The following DYNC2I1 variants were observed in gnomAD, a reference collection of about 807,000 sequenced individuals.
DYNC2I1 encodes the protein dynein 2 intermediate chain 1, also known as cytoplasmic dynein 2 intermediate chain 1.
DYNC2I1 carries 89 observed loss-of-function variants against 133.4 expected under a neutral mutation model. The ratio of observed to expected loss-of-function variants is 0.67; its 90% CI spans 0.56 to 0.80. The LOEUF is 0.80. DYNC2I1 is among the 30% of genes least tolerant of loss of function. DYNC2I1 has a pLI of 0.00. For synonymous variants in DYNC2I1, 504 were observed against 484.3 expected (o/e 1.04, Z -0.54); for missense variants, 1,291 against 1,314.5 (o/e 0.98, Z 0.28).
chr7:158,938,425 C>G (rs1057121205), intron 23 of DYNC2I1, among the ~76,000 whole-genome samples: 1 of 152,134 alleles, frequency 6.6e-6, no homozygotes, highest in African/African-American at 2.4e-5. Flanking sequence ...TATACAAAAG[C>G]TGAGAGAATT....
rs932235816 is a variant in DYNC2I1 at position 158,927,122 on chromosome 7, G to A, written c.2485+79G>A. ...TAAAAGTACTGATAACTGCGGTCAG[G>A]TGCAGTGGCTCACACCTGCTGGGAG... On this transcript the variant is annotated intron_variant, in intron 20 of 24. Transcript: ENST00000407559. 26 of 1,046,178 alleles carry A rather than the reference G, an allele frequency of 2.5e-5. No individual in the cohort carries two copies. In the Admixed American group the frequency reaches 5.1e-4, roughly 21 times the overall value. 64.8% of individuals were successfully genotyped at this position (1,046,178 alleles called of 1,614,324 possible).
At position 158,879,845 on chromosome 7, in the gene DYNC2I1, T is replaced by G; in HGVS notation, c.735T>G (p.Ser245Arg). 2 of 1,610,018 alleles carry G rather than the reference T, an allele frequency of 1.2e-6. No homozygotes were observed. The highest frequency in any genetic ancestry group is 8.5e-7 in the Non-Finnish European group (1 of 1,178,554). ...GAGAGAAATATTCCAAAGAGAAAAGTAATTCATTCTCTGACAAAGGGGAAG... is the reference window on the plus strand; with the variant it reads ...GAGAGAAATATTCCAAAGAGAAAAGGAATTCATTCTCTGACAAAGGGGAAG... Reference protein sequence around the residue: ...EKREKYSKEKSNSFSDKGEER... With the variant: ...EKREKYSKEKRNSFSDKGEER... The change falls in exon 5 of 25, where the codon AGT (serine) becomes AGG (arginine). Residue 245 changes from serine to arginine, a missense_variant. By Grantham distance (110) the Ser-to-Arg change is moderately radical. Coordinates refer to ENST00000407559, the MANE Select transcript of DYNC2I1 (RefSeq NM_018051.5).
Position 158,873,044 on chromosome 7 carries a change from G to T in DYNC2I1, c.490+1482G>T, listed in dbSNP as rs187161572. On this transcript the variant is annotated intron_variant, in intron 3 of 24. Transcript: ENST00000407559. ...ATTTTAGACTTATTATCTCAATAAGGCTTATTATCTCCGTAAATCTGAATC... is the reference window on the plus strand; with the variant it reads ...ATTTTAGACTTATTATCTCAATAAGTCTTATTATCTCCGTAAATCTGAATC... 2.8e-3 allele frequency among the ~76,000 whole-genome samples: 417 copies of T among 151,520 alleles called. 2 individuals are homozygous for T. Among genetic ancestry groups the T allele is most frequent in the African/African-American group, 9.8e-3 (405 of 41,392 alleles).
intron 15 of DYNC2I1, among the ~76,000 whole-genome samples, chr7:158,920,576 CGGG>C (rs770211001): frequency 1.2e-4 from 18 of 152,092 alleles, no homozygotes; most frequent in South Asian, 4.2e-4. Flanking sequence ...TGGCCTCTGT[CGGG>C]GAACACGTGA....
the DYNC2I1 span, among the ~76,000 whole-genome samples, chr7:158,846,270 A>C: frequency 6.6e-6 from 1 of 152,212 alleles, no homozygotes; most frequent in African/African-American, 2.4e-5. Context: ...AAAACAAATA[A>C]ATAAATAAAA....
chr7:158,895,031 T>G (rs1334917146), intron 8 of DYNC2I1, among the ~76,000 whole-genome samples: 5 of 152,182 alleles, frequency 3.3e-5, no homozygotes, highest in East Asian at 3.8e-4. Flanking sequence ...GTTTTAAGAG[T>G]TCTCTGTGTG....
intron 14 of DYNC2I1, among the ~76,000 whole-genome samples, chr7:158,917,508 C>G (rs1328773443): frequency 8.9e-6 from 1 of 112,032 alleles, no homozygotes; most frequent in Admixed American, 8.2e-5. Context: ...GTCCTCCACA[C>G]TCCACCCTCT....
chr7:158,843,240 G>A, the DYNC2I1 span, among the ~76,000 whole-genome samples: 3 of 151,938 alleles, frequency 2.0e-5, no homozygotes, highest in African/African-American at 2.4e-5. Context: ...GACTAGAGGT[G>A]TGTGCCACCA....
intron 14 of DYNC2I1, among the ~76,000 whole-genome samples, chr7:158,917,313 G>A (rs1378002688): frequency 6.0e-5 from 9 of 149,646 alleles, no homozygotes; most frequent in African/African-American, 1.7e-4. Flanking sequence ...ATTGTGAGAC[G>A]TCACTAAACA....
Position 158,891,291 on chromosome 7 carries a change from G to T in DYNC2I1, c.1017G>T (p.Val339=). ...ATGGCCACGAGGAAGGCTCTTCTGTGTGGTGGAAGCTGGACCAGAGGCCGG... is the reference window on the plus strand; with the variant it reads ...ATGGCCACGAGGAAGGCTCTTCTGTTTGGTGGAAGCTGGACCAGAGGCCGG... ...RKHGHEEGSS[V]WWKLDQRPGG... The change falls in exon 8 of 25, where the codon GTG becomes GTT. Residue 339 remains valine (V), a synonymous_variant. Transcript: ENST00000407559. 3.7e-6 allele frequency: 6 copies of T among 1,614,056 alleles called. No homozygotes were observed. Among genetic ancestry groups the T allele is most frequent in the Non-Finnish European group, 5.1e-6 (6 of 1,179,906 alleles).
chr7:158,863,382 T>G (rs1181078911), intron 1 of DYNC2I1, among the ~76,000 whole-genome samples: 1 of 152,052 alleles, frequency 6.6e-6, no homozygotes, highest in African/African-American at 2.4e-5. Flanking sequence ...AGAAAAGTTC[T>G]CCAAGTCCCC....
intron 10 of DYNC2I1, 62 bp from the exon 11 acceptor site, chr7:158,905,927 A>G (rs193276378): frequency 4.0e-4 from 528 of 1,321,688 alleles, no homozygotes; most frequent in Middle Eastern, 2.2e-3. Context: ...TACTCCAGAT[A>G]TTTTTTTGCT....
intron 1 of DYNC2I1, among the ~76,000 whole-genome samples, chr7:158,861,258 A>C (rs1436984351): frequency 1.3e-5 from 2 of 152,256 alleles, no homozygotes; most frequent in Non-Finnish European, 1.5e-5. Flanking sequence ...CAGAAAGGAC[A>C]GGATGGCCTC....
rs1470633464 is a variant in DYNC2I1, at chr7:158,856,629, G to T, written c.-107G>T. 21 of 1,151,840 alleles carry T rather than the reference G, an allele frequency of 1.8e-5. No individual in the cohort carries two copies. The highest frequency in any genetic ancestry group is 8.0e-5 in the African/African-American group (5 of 62,758). 71.4% of individuals were successfully genotyped at this position (1,151,840 alleles called of 1,614,324 possible). A position where few individuals can be genotyped will look rare whatever the true frequency, so the allele number is the denominator to read the frequency against. Reference sequence around the variant, plus strand: ...TGCTCCTGCTTGTCGGTTGCTAGGCGCTGGGACGCGCCTCCCGAAGGGTGC... The same window carrying T: ...TGCTCCTGCTTGTCGGTTGCTAGGCTCTGGGACGCGCCTCCCGAAGGGTGC... On this transcript the variant is annotated 5_prime_UTR_variant, in exon 1 of 25. Coordinates refer to ENST00000407559, the MANE Select transcript of DYNC2I1 (RefSeq NM_018051.5).
Position 158,879,869 on chromosome 7 carries a change from A to G in DYNC2I1, c.759A>G (p.Glu253=), listed in dbSNP as rs1843822954. ...EKSNSFSDKG[E]ERHKEKRHKE... ...GTAATTCATTCTCTGACAAAGGGGA[A>G]GAAAGACATAAAGAAAAGCGACACA... Residue 253 remains glutamate (E), a synonymous_variant, in exon 5 of 25, where the codon GAA becomes GAG. Coordinates refer to ENST00000407559, the MANE Select transcript of DYNC2I1 (RefSeq NM_018051.5). 2 of 1,613,884 alleles carry G rather than the reference A, an allele frequency of 1.2e-6. No homozygotes were observed. Among genetic ancestry groups the G allele is most frequent in the Non-Finnish European group, 1.7e-6 (2 of 1,179,864 alleles).
At chr7:158,922,773 A>G (rs1392146132) in intron 16 of DYNC2I1, among the ~76,000 whole-genome samples, 3 of 152,220 alleles carry the variant, frequency 2.0e-5, no homozygotes, top group Non-Finnish European at 4.4e-5. Context: ...GAATTTTCAC[A>G]GAGCAGCCCT....
chr7:158,950,106 GAC>G (rs1358735982), downstream of DYNC2I1, among the ~76,000 whole-genome samples: 17 of 151,670 alleles, frequency 1.1e-4, no homozygotes, highest in African/African-American at 3.9e-4. Flanking sequence ...TTATTTTTGA[GAC>G]AGAGTCTCAC....
chr7:158,906,863 C>G (rs530961286), intron 11 of DYNC2I1, among the ~76,000 whole-genome samples: 1 of 152,304 alleles, frequency 6.6e-6, no homozygotes, highest in South Asian at 2.1e-4. Flanking sequence ...ATGAAAAAAT[C>G]AATCATTAAT....
chr7:158,951,861 T>C (rs1334447699), intron 4 of DYNC2I1, among the ~76,000 whole-genome samples: 1 of 152,188 alleles, frequency 6.6e-6, no homozygotes, highest in African/African-American at 2.4e-5. Context: ...CTGGGTGCTG[T>C]GCCTCGGGGG....
Sources: allele counts gnomAD v4.1 joint callset (sites outside exome capture counted in the v4.1 genomes callset), GRCh38; gene constraint gnomAD v4.1.1; transcripts MANE v1.5; gene names NCBI Gene and HGNC (gene_info 2026-07-23, HGNC 2026-07-21).